PCDH15: variants seen among roughly 807,000 people sequenced by gnomAD.
PCDH15 encodes the protein protocadherin-15.
In PCDH15, 129 loss-of-function variants were observed where a neutral mutation model predicts 178.5. The ratio of observed to expected loss-of-function variants is 0.72; its 90% confidence interval spans 0.63 to 0.84. The LOEUF (loss-of-function observed/expected upper bound fraction) is 0.84. Among genes scored for constraint, PCDH15 ranks in the 40% least tolerant of loss-of-function variants. The pLI is 0.00. For synonymous variants in PCDH15, 800 were observed against 732.0 expected (o/e 1.09, Z -1.50); for missense variants, 2,230 against 2,099.9 (o/e 1.06, Z -1.21).
intron 2 of PCDH15, among the ~76,000 whole-genome samples, chr10:55,579,835 TTTGTTTTTTG>T (rs1366635359): frequency 6.6e-6 from 1 of 152,020 alleles, no homozygotes; most frequent in Non-Finnish European, 1.5e-5. Context: ...ATGTTTTTTA[TTTGTTTTTTG>T]TTGTTTTTGT....
chr10:54,794,739 T>A (rs1201061010), intron 1 of PCDH15, among the ~76,000 whole-genome samples: 1 of 151,906 alleles, frequency 6.6e-6, no homozygotes. Context: ...CAGTAGACTC[T>A]AAATATTTTT....
At chr10:54,149,754 G>T (rs2044333741) in intron 14 of PCDH15, among the ~76,000 whole-genome samples, 1 of 152,206 alleles carries the variant, frequency 6.6e-6, no homozygotes, top group Admixed American at 6.6e-5. Context: ...CTATTGTGTT[G>T]AGAAGAGATT....
At chr10:55,191,659 T>C (rs1428301103) in intron 1 of PCDH15, among the ~76,000 whole-genome samples, 2 of 151,954 alleles carry the variant, frequency 1.3e-5, no homozygotes, top group Non-Finnish European at 2.9e-5. Flanking sequence ...CTAATTATTG[T>C]TCCATAATCA....
chr10:55,560,721 C>T (rs1188830987), intron 2 of PCDH15, among the ~76,000 whole-genome samples: 1 of 151,836 alleles, frequency 6.6e-6, no homozygotes, highest in African/African-American at 2.4e-5. Context: ...GTATTTATTA[C>T]TCACATTTCC....
At chr10:55,329,568 T>C (rs995919334) in intron 2 of PCDH15, among the ~76,000 whole-genome samples, 1 of 151,758 alleles carries the variant, frequency 6.6e-6, no homozygotes, top group Non-Finnish European at 1.5e-5. Context: ...AAGAAAATTA[T>C]AGTTTGTTAA....
At chr10:53,992,014 G>A (rs2091530201) in intron 21 of PCDH15, among the ~76,000 whole-genome samples, 1 of 152,072 alleles carries the variant, frequency 6.6e-6, no homozygotes. Flanking sequence ...AATAAATCTT[G>A]CTGCTGCTTA....
intron 3 of PCDH15, among the ~76,000 whole-genome samples, chr10:54,425,459 C>T (rs567792049): frequency 6.6e-6 from 1 of 152,256 alleles, no homozygotes; most frequent in Admixed American, 6.5e-5. Flanking sequence ...CCTTGGATTT[C>T]CAAGCCTCCT....
chr10:55,299,582 T>C (rs1843218727), intron 1 of PCDH15, among the ~76,000 whole-genome samples: 1 of 152,216 alleles, frequency 6.6e-6, no homozygotes, highest in Non-Finnish European at 1.5e-5. Flanking sequence ...AAAATCTTTA[T>C]CTGGCAATAA....
upstream of PCDH15, chr10:55,319,748 A>G (rs1360344070): frequency 6.6e-6 from 1 of 152,240 alleles, no homozygotes; most frequent in Non-Finnish European, 1.5e-5. Flanking sequence ...TACAACTCCC[A>G]TGGACATCTG....
At chr10:55,137,533 C>T (rs543828348) in intron 2 of PCDH15, among the ~76,000 whole-genome samples, 1,105 of 15,534 alleles carry the variant, frequency 0.071, 18 homozygotes, top group African/African-American at 0.14. Context: ...GTAACAGATT[C>T]GGGTTTTTTT....
intron 11 of PCDH15, among the ~76,000 whole-genome samples, chr10:54,194,161 G>T (rs2049328479): frequency 6.6e-6 from 1 of 151,140 alleles, no homozygotes; most frequent in African/African-American, 2.4e-5. Context: ...GTGCCAACAA[G>T]AATTGTCATA....
chr10:54,528,007 AATTAAT>A, intron 2 of PCDH15, 130 bp from the exon 3 acceptor site: 1 of 697,278 alleles, frequency 1.4e-6, no homozygotes, highest in Admixed American at 2.5e-5. Flanking sequence ...GCATCACTAC[AATTAAT>A]ATTATTTAAA....
chr10:53,822,573 G>A, intron 32 of PCDH15: 2 of 1,613,920 alleles, frequency 1.2e-6, no homozygotes, highest in Non-Finnish European at 1.7e-6. Flanking sequence ...CATACAAATA[G>A]GTGTCTCTCT....
intron 2 of PCDH15, among the ~76,000 whole-genome samples, chr10:55,032,724 T>A (rs1840642647): frequency 6.6e-6 from 1 of 152,184 alleles, no homozygotes; most frequent in Non-Finnish European, 1.5e-5. Context: ...TGCCAGGTGC[T>A]ATTCATCAAG....
chr10:55,173,260 G>A (rs1839387039), intron 1 of PCDH15, among the ~76,000 whole-genome samples: 2 of 151,072 alleles, frequency 1.3e-5, no homozygotes, highest in African/African-American at 4.9e-5. Flanking sequence ...AAGTCATAGG[G>A]AGGGGAAGTG....
chr10:54,930,010 A>G (rs148799834), intron 2 of PCDH15, among the ~76,000 whole-genome samples: 23 of 152,270 alleles, frequency 1.5e-4, no homozygotes, highest in African/African-American at 5.5e-4. Flanking sequence ...AGCAGCCTGT[A>G]AAATTGAGCT....
chr10:55,610,947 A>T (rs1170886483), intron 2 of PCDH15, among the ~76,000 whole-genome samples: 2 of 152,122 alleles, frequency 1.3e-5, no homozygotes, highest in Non-Finnish European at 2.9e-5. Flanking sequence ...AGTTACCAAA[A>T]GAGAAGATAT....
chr10:55,557,831 CT>C (rs2132094991), intron 2 of PCDH15, among the ~76,000 whole-genome samples: 1 of 152,182 alleles, frequency 6.6e-6, no homozygotes, highest in African/African-American at 2.4e-5. Context: ...AGAAAATACA[CT>C]GACATATGGA....
intron 3 of PCDH15, among the ~76,000 whole-genome samples, chr10:54,893,354 A>C (rs1366532150): frequency 1.3e-5 from 2 of 152,130 alleles, no homozygotes; most frequent in Non-Finnish European, 2.9e-5. Context: ...CATTGATTGA[A>C]TATACTATTT....
Sources: allele counts gnomAD v4.1 joint callset (sites outside exome capture counted in the v4.1 genomes callset), GRCh38; gene constraint gnomAD v4.1.1; transcripts MANE v1.5; gene names NCBI Gene and HGNC (gene_info 2026-07-23, HGNC 2026-07-21).